TRAF3IP3: variants seen among roughly 807,000 people sequenced by gnomAD.
TRAF3IP3 encodes TRAF3 interacting protein 3.
TRAF3IP3 carries 64 observed loss-of-function variants against 86.5 expected under a neutral mutation model. That is an observed-to-expected ratio of 0.74 (90% CI 0.60 to 0.91). TRAF3IP3 has a LOEUF of 0.91. Ranked by LOEUF, TRAF3IP3 falls within the 40% of genes least tolerant of loss-of-function variation. The probability of loss-of-function intolerance (pLI) is 0.00; values close to 1 mark genes in which losing one functional copy is unlikely to be tolerated. For synonymous variants in TRAF3IP3, 220 were observed against 243.9 expected (o/e 0.90, Z 0.91); for missense variants, 579 against 642.9 (o/e 0.90, Z 1.07).
rs757966507 is a variant in TRAF3IP3 at position 209,762,557 on chromosome 1, C to G, written c.388C>G (p.Pro130Ala). 1 of 1,484,206 alleles carries G rather than the reference C, an allele frequency of 6.7e-7. No individual in the cohort carries two copies. Among genetic ancestry groups the G allele is most frequent in the South Asian group, 1.5e-5 (1 of 67,592 alleles). 91.9% of individuals were successfully genotyped at this position (1,484,206 alleles called of 1,614,324 possible). ...SSEVFPAQHP[P>A]PSGICRDLSD... Reference sequence around the variant, plus strand: ...TGAAGTCTTTCCAGCCCAGCATCCTCCTCCCTCAGGCATCTGCAGGGATCT... The same window carrying G: ...TGAAGTCTTTCCAGCCCAGCATCCTGCTCCCTCAGGCATCTGCAGGGATCT... Residue 130 changes from proline to alanine, a missense_variant, in exon 4 of 17, where the codon CCT (proline) becomes GCT (alanine). Pro to Ala is a conservative substitution (Grantham distance 27, BLOSUM62 -1). Transcript: ENST00000367025.
chr1:209,775,304 C>T, intron 9 of TRAF3IP3, 45 bp from the exon 10 acceptor site: 1 of 1,557,222 alleles, frequency 6.4e-7, no homozygotes, highest in Non-Finnish European at 8.7e-7. Context: ...GGATTTGGCA[C>T]ACAGAAGCTC....
chr1:209,757,601 C>G (rs2077176524), intron 1 of TRAF3IP3, among the ~76,000 whole-genome samples: 1 of 152,110 alleles, frequency 6.6e-6, no homozygotes, highest in Non-Finnish European at 1.5e-5. Flanking sequence ...TCCCCTCAAT[C>G]TGGTAAACAA....
chr1:209,780,525 G>C lies in TRAF3IP3; in HGVS notation c.1368G>C (p.Glu456Asp), dbSNP rs973073561. 3 of 1,604,286 alleles carry C rather than the reference G, an allele frequency of 1.9e-6. No homozygotes were observed. Among genetic ancestry groups the C allele is most frequent in the Middle Eastern group, 1.9e-4 (1 of 5,130 alleles). ...PKSFPNEVEP[E>D]GTGKEKDWDL... ...CCTTCCCTAACGAAGTGGAGCCTGA[G>C]GGTACAGGGAAGGAGAAAGACTGGG... is the stretch of plus-strand genomic sequence containing the variant. Residue 456 changes from glutamate to aspartate, a missense_variant, in exon 15 of 17, where the codon GAG (glutamate) becomes GAC (aspartate). By Grantham distance (45) the Glu-to-Asp change is conservative (BLOSUM62 2). Coordinates refer to ENST00000367025, the MANE Select transcript of TRAF3IP3 (RefSeq NM_025228.4).
rs2102524234 is a variant in TRAF3IP3 at position 209,781,093 on chromosome 1, TAA to T, written c.1450-250_1450-249del. ...CTCTCATTTGCAAAGCACTTGCACG[TAA>T]AGTCATATAAAAGAACTTAAATGTA... On this transcript the variant is annotated intron_variant, in intron 15 of 16. Coordinates refer to ENST00000367025, the MANE Select transcript of TRAF3IP3 (RefSeq NM_025228.4). The T allele has an allele frequency of 1.2e-5, 3 of 244,528 alleles. No homozygotes were observed. The South Asian group carries it at 1.9e-4, about 15-fold the overall frequency. The allele number at this position is 244,528 out of a possible 1,614,324, so 15.1% of individuals were successfully genotyped here.
Position 209,780,606 on chromosome 1 carries a change from G to A in TRAF3IP3, c.1449G>A (p.Glu483=). 6.3e-7 allele frequency: 1 copy of A among 1,581,874 alleles called. No individual in the cohort carries two copies. The highest frequency in any genetic ancestry group is 8.6e-7 in the Non-Finnish European group (1 of 1,161,338). ...KTLQLQAKEK[E]CRELHSELDN... is the part of the protein sequence containing the mutation. ...TGCAGCTCCAGGCCAAGGAAAAGGAGGTGAGAGGGTGACCTGAGATAGTGA... is the reference window on the plus strand; with the variant it reads ...TGCAGCTCCAGGCCAAGGAAAAGGAAGTGAGAGGGTGACCTGAGATAGTGA... The change falls in exon 15 of 17, where the codon GAG becomes GAA. Residue 483 remains glutamate (E), a splice_region_variant and synonymous_variant. Coordinates refer to ENST00000367025, the MANE Select transcript of TRAF3IP3 (RefSeq NM_025228.4).
chr1:209,764,641 G>A (rs1041721639), intron 8 of TRAF3IP3, among the ~76,000 whole-genome samples: 1 of 151,764 alleles, frequency 6.6e-6, no homozygotes, highest in Non-Finnish European at 1.5e-5. Context: ...CTACTCAGGA[G>A]GCTGAGGCAG....
intron 14 of TRAF3IP3, 118 bp from the exon 15 acceptor site, chr1:209,780,352 C>A: frequency 1.0e-6 from 1 of 973,974 alleles, no homozygotes; most frequent in Non-Finnish European, 1.4e-6. Context: ...ATCAGTCTAG[C>A]CAAGAGCACG....
At chr1:209,764,182 T>C (rs933101445) in intron 8 of TRAF3IP3, among the ~76,000 whole-genome samples, 12 of 152,314 alleles carry the variant, frequency 7.9e-5, no homozygotes, top group Admixed American at 7.8e-4. Context: ...TTATGTCCTC[T>C]ATACAGAGCA....
chr1:209,771,752 C>T lies in TRAF3IP3; in HGVS notation c.703-1196C>T, dbSNP rs1310436157. 2.8e-4 allele frequency among the ~76,000 whole-genome samples: 26 copies of T among 94,156 alleles called. No homozygotes were observed. The East Asian group carries it at 5.3e-3, about 19-fold the overall frequency. The allele number at this position is 94,156 out of a possible 152,430, so 61.8% of individuals were successfully genotyped here. A position where few individuals can be genotyped will look rare whatever the true frequency, so the allele number is the denominator to read the frequency against. ...ACGTGTGCATGTGGAGGTGTGTGCG[C>T]GCATGTGAAGGTGTGTGTGTATATG... is the stretch of plus-strand genomic sequence containing the variant. On this transcript the variant is annotated intron_variant, in intron 8 of 16. Transcript: ENST00000367025.
In TRAF3IP3 at chr1:209,759,987, G is replaced by A. The variant is rs1322499895; in HGVS notation, c.-53G>A. The A allele has an allele frequency of 1.4e-6, 2 of 1,479,502 alleles. No homozygotes were observed. The highest frequency in any genetic ancestry group is 1.9e-6 in the Non-Finnish European group (2 of 1,068,950). The allele number at this position is 1,479,502 out of a possible 1,614,324, so 91.6% of individuals were successfully genotyped here. On this transcript the variant is annotated 5_prime_UTR_variant, in exon 3 of 17. Transcript: ENST00000367025. ...TCCCTCTTGGCATTTGGCAGATCCA[G>A]GCATCTATTCCAGGAACTGGAAGCC...
chr1:209,768,848 G>A (rs1571931358), intron 8 of TRAF3IP3, among the ~76,000 whole-genome samples: 2 of 152,190 alleles, frequency 1.3e-5, no homozygotes, highest in Non-Finnish European at 1.5e-5. Flanking sequence ...CTACATGCCC[G>A]ATTTGCAACA....
At chr1:209,775,961 T>C (rs1002682955) in intron 11 of TRAF3IP3, 8 of 446,836 alleles carry the variant, frequency 1.8e-5, no homozygotes, top group African/African-American at 7.9e-5. Flanking sequence ...TAAGCGTTCA[T>C]TGGAATGACA....
rs572870245 is a variant in TRAF3IP3 at position 209,780,558 on chromosome 1, A to G, written c.1401A>G (p.Arg467=). Reference sequence around the variant, plus strand: ...GGAAGGAGAAAGACTGGGATCTCAGAGACCAGCTGCAAAAGAAGACTTTGC... The same window carrying G: ...GGAAGGAGAAAGACTGGGATCTCAGGGACCAGCTGCAAAAGAAGACTTTGC... The part of the protein sequence containing the change: ...GTGKEKDWDL[R]DQLQKKTLQL... Residue 467 remains arginine (R), a synonymous_variant, in exon 15 of 17, where the codon AGA becomes AGG. Transcript: ENST00000367025. 3 of 1,601,674 alleles carry G rather than the reference A, an allele frequency of 1.9e-6. No individual in the cohort carries two copies. In the African/African-American group the frequency reaches 4.0e-5, roughly 22 times the overall value.
intron 3 of TRAF3IP3, among the ~76,000 whole-genome samples, chr1:209,761,877 G>GAA (rs111641234): frequency 8.9e-4 from 134 of 150,904 alleles, no homozygotes; most frequent in African/African-American, 2.9e-3. Context: ...GGTAGAGAGA[G>GAA]AAAAAAAAAC....
At chr1:209,763,440 C>A (rs535040314) in intron 7 of TRAF3IP3, 48 bp downstream of exon 7, 1 of 1,613,150 alleles carries the variant, frequency 6.2e-7, no homozygotes, top group Non-Finnish European at 8.5e-7. Flanking sequence ...CCACTTACCC[C>A]CGATCCTCCA....
chr1:209,775,306 C>T, intron 9 of TRAF3IP3, 43 bp from the exon 10 acceptor site: 3 of 1,562,840 alleles, frequency 1.9e-6, no homozygotes, highest in Non-Finnish European at 2.6e-6. Flanking sequence ...ATTTGGCACA[C>T]AGAAGCTCAA....
intron 8 of TRAF3IP3, among the ~76,000 whole-genome samples, chr1:209,766,433 T>C (rs1277396793): frequency 1.3e-5 from 2 of 152,180 alleles, no homozygotes; most frequent in Admixed American, 1.3e-4. Context: ...AGTCCAGCCA[T>C]GAAGACAGAG....
intron 9 of TRAF3IP3, among the ~76,000 whole-genome samples, chr1:209,774,038 G>A (rs1216945053): frequency 6.6e-6 from 1 of 152,122 alleles, no homozygotes; most frequent in Non-Finnish European, 1.5e-5. Context: ...AAGCTAAATG[G>A]AAATGATTTC....
intron 11 of TRAF3IP3, chr1:209,776,483 G>C (rs1323848106): frequency 2.0e-5 from 3 of 152,324 alleles, no homozygotes; most frequent in Non-Finnish European, 1.5e-5. Context: ...ATAAGAGACA[G>C]AGTATGTGAG....
Sources: gnomAD v4.1 joint callset for allele counts (sites outside exome capture counted in the v4.1 genomes callset) on GRCh38, gnomAD v4.1.1 for gene constraint, MANE v1.5 for transcripts, NCBI Gene and HGNC (gene_info 2026-07-23, HGNC 2026-07-21) for gene names.